The following DNER variants were observed in gnomAD, a reference collection of about 807,000 sequenced individuals.
DNER encodes delta and Notch-like epidermal growth factor-related receptor.
In DNER, 33 loss-of-function variants were observed where a neutral mutation model predicts 78.2. That is an observed-to-expected ratio of 0.42 (90% CI 0.32 to 0.56). The LOEUF is 0.56. Ranked by LOEUF, DNER falls within the 20% of genes least tolerant of loss-of-function variation. The pLI, the probability that DNER is intolerant of heterozygous loss-of-function variation, is 0.11. For synonymous variants in DNER, 417 were observed against 384.8 expected (o/e 1.08, Z -0.98); for missense variants, 918 against 975.3 (o/e 0.94, Z 0.78).
intron 6 of DNER, among the ~76,000 whole-genome samples, chr2:229,499,194 C>A (rs1228334548): frequency 6.6e-6 from 1 of 152,002 alleles, no homozygotes; most frequent in Non-Finnish European, 1.5e-5. Context: ...ACCTGTAATC[C>A]CAGCACTTTG....
intron 4 of DNER, among the ~76,000 whole-genome samples, chr2:229,560,413 T>TCC: frequency 6.6e-6 from 1 of 152,240 alleles, no homozygotes; most frequent in South Asian, 2.1e-4. Context: ...GTCCACAAAG[T>TCC]CCCATGGCTG....
chr2:229,476,999 C>A, intron 7 of DNER, 141 bp downstream of exon 7: 1 of 617,318 alleles, frequency 1.6e-6, no homozygotes, highest in Non-Finnish European at 2.7e-6. Flanking sequence ...GGGGGACTAT[C>A]TTCTATTTTT....
chr2:229,536,660 T>C (rs1432644997), intron 5 of DNER, among the ~76,000 whole-genome samples: 1 of 152,216 alleles, frequency 6.6e-6, no homozygotes, highest in Non-Finnish European at 1.5e-5. Context: ...TTTTCTGCTC[T>C]TGGGCATAAA....
intron 6 of DNER, among the ~76,000 whole-genome samples, chr2:229,486,079 T>G (rs950692111): frequency 6.6e-6 from 1 of 152,182 alleles, no homozygotes; most frequent in Non-Finnish European, 1.5e-5. Flanking sequence ...GCCTCAGCCG[T>G]GTCTGCTAAG....
chr2:229,693,752 A>C (rs1314353472), intron 1 of DNER, among the ~76,000 whole-genome samples: 1 of 152,198 alleles, frequency 6.6e-6, no homozygotes, highest in Admixed American at 6.5e-5. Flanking sequence ...TCTAAGCAGC[A>C]AAGGGTTCAA....
intron 1 of DNER, among the ~76,000 whole-genome samples, chr2:229,638,819 A>C (rs1159640548): frequency 6.6e-6 from 1 of 152,230 alleles, no homozygotes; most frequent in East Asian, 1.9e-4. Flanking sequence ...CTACAAAGCA[A>C]TCTACAAAAC....
chr2:229,638,069 C>A (rs1166704707), intron 1 of DNER, among the ~76,000 whole-genome samples: 1 of 152,106 alleles, frequency 6.6e-6, no homozygotes, highest in Non-Finnish European at 1.5e-5. Flanking sequence ...ATGAACAATC[C>A]TTTAAAACCA....
intron 5 of DNER, among the ~76,000 whole-genome samples, chr2:229,540,999 C>A (rs185916228): frequency 1.1e-3 from 169 of 152,318 alleles, no homozygotes; most frequent in Middle Eastern, 3.4e-3. Flanking sequence ...TGTTATTGAA[C>A]CATTATATCA....
At chr2:229,392,985 A>G (rs1447650306) in intron 10 of DNER, among the ~76,000 whole-genome samples, 1 of 152,156 alleles carries the variant, frequency 6.6e-6, no homozygotes, top group African/African-American at 2.4e-5. Context: ...CAAATTCAGA[A>G]ACAATGGATG....
intron 7 of DNER, among the ~76,000 whole-genome samples, chr2:229,448,157 AC>A (rs1694378101): frequency 6.6e-6 from 1 of 152,262 alleles, no homozygotes; most frequent in South Asian, 2.1e-4. Context: ...AAAGTGATCT[AC>A]CCACACAATG....
At chr2:229,507,624 T>C (rs1436115946) in intron 6 of DNER, among the ~76,000 whole-genome samples, 3 of 152,158 alleles carry the variant, frequency 2.0e-5, no homozygotes, top group Non-Finnish European at 4.4e-5. Context: ...TTTGAAGAAA[T>C]AGGGACACGT....
chr2:229,592,713 TG>T (rs923023528), intron 1 of DNER, among the ~76,000 whole-genome samples: 1 of 152,180 alleles, frequency 6.6e-6, no homozygotes, highest in African/African-American at 2.4e-5. Flanking sequence ...AAAAATCACC[TG>T]CTCCTCTTCA....
chr2:229,470,990 A>T (rs1314227714), intron 7 of DNER, among the ~76,000 whole-genome samples: 2 of 152,210 alleles, frequency 1.3e-5, no homozygotes, highest in Non-Finnish European at 2.9e-5. Flanking sequence ...TGATTTAGGG[A>T]TAATGCCAAA....
intron 11 of DNER, among the ~76,000 whole-genome samples, chr2:229,375,230 C>T (rs1434639449): frequency 6.6e-6 from 1 of 152,184 alleles, no homozygotes; most frequent in Non-Finnish European, 1.5e-5. Flanking sequence ...AGAAAGACAG[C>T]TGATGATAAT....
chr2:229,629,592 A>C lies in DNER; in HGVS notation c.277-37704T>G, dbSNP rs540938496. ...ATGGAGTCAAGTGTCTCAGACAGGC[A>C]GTCAGCTGTGGGGCTTCCAGTCATC... is the stretch of plus-strand genomic sequence containing the variant. On this transcript the variant is annotated intron_variant, in intron 1 of 12. Transcript: ENST00000341772. 2.0e-4 allele frequency among the ~76,000 whole-genome samples: 31 copies of C among 152,332 alleles called. No homozygotes were observed. In the South Asian group the frequency reaches 6.4e-3, roughly 32 times the overall value.
intron 6 of DNER, among the ~76,000 whole-genome samples, chr2:229,499,253 C>T (rs747411015): frequency 5.3e-5 from 8 of 151,956 alleles, no homozygotes; most frequent in Non-Finnish European, 7.4e-5. Flanking sequence ...TGAGACCAGC[C>T]TGGCCAATAT....
intron 8 of DNER, among the ~76,000 whole-genome samples, chr2:229,435,533 C>T (rs2106357145): frequency 6.6e-6 from 1 of 152,276 alleles, no homozygotes; most frequent in East Asian, 1.9e-4. Context: ...TAAATAAAAC[C>T]ACAAAGATAA....
intron 1 of DNER, among the ~76,000 whole-genome samples, chr2:229,600,458 G>A (rs1697807136): frequency 6.6e-6 from 1 of 152,156 alleles, no homozygotes; most frequent in African/African-American, 2.4e-5. Context: ...ATCTTGAACT[G>A]GGCCCTACAA....
In DNER at chr2:229,674,361, C is replaced by A. The variant is rs950519814; in HGVS notation, c.276+39787G>T. Among the ~76,000 whole-genome samples the A allele has an allele frequency of 2.0e-5, 3 of 152,322 alleles. No individual in the cohort carries two copies. The East Asian group carries it at 5.8e-4, about 29-fold the overall frequency. On this transcript the variant is annotated intron_variant, in intron 1 of 12. Coordinates refer to ENST00000341772, the MANE Select transcript of DNER (RefSeq NM_139072.4). ...TGATGCGATCTCGGCTTACTGCAAC[C>A]TCCGCCTCCTGGGTTTAAGCGATTC... is the stretch of plus-strand genomic sequence containing the variant.
Sources: gnomAD v4.1 joint callset for allele counts (sites outside exome capture counted in the v4.1 genomes callset) on GRCh38, gnomAD v4.1.1 for gene constraint, MANE v1.5 for transcripts, NCBI Gene and HGNC (gene_info 2026-07-23, HGNC 2026-07-21) for gene names.